The following KIFC3 variants were observed in gnomAD, a reference collection of about 807,000 sequenced individuals.
KIFC3 encodes the protein kinesin-like protein KIFC3.
In KIFC3, 60 loss-of-function variants were observed where a neutral mutation model predicts 101.8. The observed-to-expected ratio is 0.59, with a 90% CI of 0.48 to 0.73. The LOEUF (loss-of-function observed/expected upper bound fraction) is 0.73, where lower values mean the gene tolerates loss of function less well. Ranked by LOEUF, KIFC3 falls within the 30% of genes least tolerant of loss-of-function variation. The probability of loss-of-function intolerance (pLI) is 0.00; values close to 1 mark genes in which losing one functional copy is unlikely to be tolerated. For missense variants in KIFC3, 966 were observed against 1,137.1 expected (o/e 0.85, Z 2.16); for synonymous variants, 476 against 482.7 (o/e 0.99, Z 0.18).
intron 7 of KIFC3, among the ~76,000 whole-genome samples, chr16:57,770,303 C>T (rs939384031): frequency 2.0e-5 from 3 of 152,242 alleles, no homozygotes; most frequent in African/African-American, 7.2e-5. Context: ...CTTGGGATGA[C>T]GTTCCTGAGT....
rs1555608366 is a variant in KIFC3, at chr16:57,771,554, C to T, written c.514G>A (p.Glu172Lys). 9 of 1,613,052 alleles carry T rather than the reference C, an allele frequency of 5.6e-6. No homozygotes were observed. The highest frequency in any genetic ancestry group is 7.6e-6 in the Non-Finnish European group (9 of 1,179,750). The change falls in exon 5 of 20, where the codon GAG becomes AAG. Residue 172 changes from glutamate to lysine, a missense_variant. Coordinates refer to ENST00000445690, the MANE Select transcript of KIFC3 (RefSeq NM_001130100.2). ...TKPAGPCPGC[E>K]HSQESAQLRD... ...GCCATTCTGCTCACCTGGCTGTGCT[C>T]ACAACCTGGGCAGGGACCTGCTGGC... is the stretch of plus-strand genomic sequence containing the variant.
chr16:57,767,157 C>T (rs1476604719), intron 9 of KIFC3, among the ~76,000 whole-genome samples, 172 bp from the exon 10 acceptor site: 1 of 152,176 alleles, frequency 6.6e-6, no homozygotes, highest in Non-Finnish European at 1.5e-5. Flanking sequence ...TGCTACCATC[C>T]CCATTTTACA....
At chr16:57,860,181 C>A (rs1188263733) in intron 1 of KIFC3, among the ~76,000 whole-genome samples, 6 of 151,876 alleles carry the variant, frequency 4.0e-5, no homozygotes. Context: ...CAAACTGGGG[C>A]TCTGGCTCAC....
intron 12 of KIFC3, 49 bp downstream of exon 12, chr16:57,764,094 T>C: frequency 7.4e-7 from 1 of 1,351,764 alleles, no homozygotes; most frequent in Non-Finnish European, 1.1e-6. Context: ...GGAGCCCGCA[T>C]TCCCTTCATG....
At chr16:57,786,555 T>C (rs2053347060) in intron 3 of KIFC3, among the ~76,000 whole-genome samples, 3 of 151,904 alleles carry the variant, frequency 2.0e-5, no homozygotes, top group African/African-American at 4.8e-5. Context: ...GGGGTTTGCC[T>C]CCTCCCCTCA....
At chr16:57,856,449 C>T (rs919049189) in intron 1 of KIFC3, among the ~76,000 whole-genome samples, 21 of 111,298 alleles carry the variant, frequency 1.9e-4, no homozygotes, top group South Asian at 6.3e-4. Flanking sequence ...TGACAGAGAC[C>T]GTGTCTAAAA....
rs1040579028 is a variant in KIFC3, at chr16:57,776,226, G to A, written c.316-3938C>T. The A allele has an allele frequency of 1.3e-5, 13 of 985,386 alleles. No homozygotes were observed. The African/African-American group carries it at 2.1e-4, about 16-fold the overall frequency. The allele number at this position is 985,386 out of a possible 1,614,324, so 61.0% of individuals were successfully genotyped here. The stretch of plus-strand genomic sequence containing the variant: ...CTGAGCTGGGAAGGCCAGAGGGTCT[G>A]GGATCCAGACAACCTCAAGGAAACT... On this transcript the variant is annotated intron_variant, in intron 3 of 19. Coordinates refer to ENST00000445690, the MANE Select transcript of KIFC3 (RefSeq NM_001130100.2).
chr16:57,761,766 T>C (rs1555597990), intron 13 of KIFC3, among the ~76,000 whole-genome samples: 1 of 152,216 alleles, frequency 6.6e-6, no homozygotes, highest in East Asian at 1.9e-4. Context: ...CTGCCCACTC[T>C]CACCCATGGC....
chr16:57,784,871 G>A (rs1018380467), intron 3 of KIFC3, among the ~76,000 whole-genome samples: 6 of 152,204 alleles, frequency 3.9e-5, no homozygotes, highest in Non-Finnish European at 8.8e-5. Flanking sequence ...TGCAGCTCAT[G>A]AGCCAATGGT....
intron 3 of KIFC3, chr16:57,776,266 GC>G: frequency 3.0e-6 from 3 of 985,496 alleles, no homozygotes; most frequent in Non-Finnish European, 3.6e-6. Context: ...CCAGAGGCCA[GC>G]GGGGCGGCCC....
In KIFC3 at chr16:57,761,114, TGTG is replaced by T. The variant is rs782627584; in HGVS notation, c.1927_1929del (p.His643del). ...ATGAGCAGCGCGTGCGAGCGGGAGC[TGTG>T]CTCGTTCAGGTTGGTGAACTCGGTC... On this transcript the variant is annotated inframe_deletion, in exon 15 of 20. Coordinates refer to ENST00000445690, the MANE Select transcript of KIFC3 (RefSeq NM_001130100.2). The T allele has an allele frequency of 1.2e-6, 2 of 1,614,016 alleles. No homozygotes were observed. Among genetic ancestry groups the T allele is most frequent in the Admixed American group, 3.3e-5 (2 of 60,014 alleles).
chr16:57,837,577 G>GAAAGAAAGAAAGAAAGAAAGAAAGAAAGA, intron 1 of KIFC3, among the ~76,000 whole-genome samples: 1 of 151,716 alleles, frequency 6.6e-6, no homozygotes, highest in African/African-American at 2.4e-5. Flanking sequence ...AAGAAAGAAA[G>GAAAGAAAGAAAGAAAGAAAGAAAGAAAGA]AAAGAGTAGC....
At chr16:57,799,941 C>T (rs1431443544) in intron 1 of KIFC3, among the ~76,000 whole-genome samples, 1 of 151,914 alleles carries the variant, frequency 6.6e-6, no homozygotes, top group Non-Finnish European at 1.5e-5. Context: ...TGGCAAACTT[C>T]GGAGGGCTCA....
upstream of KIFC3, chr16:57,803,005 G>C: frequency 6.5e-7 from 1 of 1,535,812 alleles, no homozygotes; most frequent in Non-Finnish European, 8.7e-7. Context: ...GCACGCGCTG[G>C]CGCACATGCA....
At chr16:57,815,287 G>A (rs2055194567) in intron 1 of KIFC3, 2 of 358,800 alleles carry the variant, frequency 5.6e-6, no homozygotes, top group Non-Finnish European at 4.4e-6. Flanking sequence ...GGGGGTCCTG[G>A]GAGGCTGACT....
intron 1 of KIFC3, among the ~76,000 whole-genome samples, chr16:57,845,328 G>T (rs534331762): frequency 5.6e-4 from 85 of 152,214 alleles, no homozygotes; most frequent in African/African-American, 2.0e-3. Context: ...GATAGTCCTT[G>T]ACCAGCTGCA....
chr16:57,849,252 C>T (rs773721805), intron 1 of KIFC3, among the ~76,000 whole-genome samples: 11 of 152,266 alleles, frequency 7.2e-5, no homozygotes, highest in Non-Finnish European at 1.3e-4. Context: ...AGAAAGGGTA[C>T]GTTGTAAATA....
At chr16:57,776,348 T>G in intron 3 of KIFC3, 1 of 985,286 alleles carries the variant, frequency 1.0e-6, no homozygotes, top group Non-Finnish European at 1.2e-6. Flanking sequence ...GGCCTATCTG[T>G]CCCCTGTCCA....
chr16:57,784,232 G>A (rs1380739636), intron 3 of KIFC3, among the ~76,000 whole-genome samples: 9 of 152,210 alleles, frequency 5.9e-5, no homozygotes, highest in Admixed American at 1.3e-4. Flanking sequence ...GGGAGCAGGC[G>A]GGCATGCAGC....
Sources: allele counts gnomAD v4.1 joint callset (sites outside exome capture counted in the v4.1 genomes callset), GRCh38; gene constraint gnomAD v4.1.1; transcripts MANE v1.5; gene names NCBI Gene and HGNC (gene_info 2026-07-23, HGNC 2026-07-21).